ANO3: variants seen among roughly 807,000 people sequenced by gnomAD.
ANO3 encodes the protein anoctamin-3.
A neutral mutation model predicts 144.8 loss-of-function variants in ANO3; 99 were observed. The observed-to-expected ratio is 0.68, with a 90% CI of 0.58 to 0.81. The LOEUF is 0.81. Ranked by LOEUF, ANO3 falls within the 30% of genes least tolerant of loss-of-function variation. The pLI is 0.00. For synonymous variants in ANO3, 414 were observed against 392.6 expected (o/e 1.05, Z -0.64); for missense variants, 905 against 1,202.2 (o/e 0.75, Z 3.66).
intron 3 of ANO3, among the ~76,000 whole-genome samples, chr11:26,447,206 CAAA>C (rs11464160): frequency 1.5e-3 from 76 of 49,846 alleles, no homozygotes; most frequent in African/African-American, 5.7e-3. Context: ...GACTCTGCCT[CAAA>C]AAAAAAAAAA....
chr11:26,623,985 A>G (rs1306690744), intron 17 of ANO3, among the ~76,000 whole-genome samples: 1 of 151,718 alleles, frequency 6.6e-6, no homozygotes, highest in African/African-American at 2.4e-5. Context: ...ACGGGGTTTC[A>G]CCCTGTTAGC....
At chr11:26,545,782 C>G (rs1849771551) in intron 11 of ANO3, among the ~76,000 whole-genome samples, 1 of 151,536 alleles carries the variant, frequency 6.6e-6, no homozygotes, top group South Asian at 2.1e-4. Context: ...CAGTAGCAGC[C>G]CCCTCTTCCT....
intron 15 of ANO3, 75 bp downstream of exon 15, chr11:26,598,522 C>A: frequency 9.8e-7 from 1 of 1,023,658 alleles, no homozygotes; most frequent in Non-Finnish European, 1.4e-6. Flanking sequence ...CCTAGCATTC[C>A]GGCTGGAAGC....
At chr11:26,412,348 A>C (rs1857455083) in intron 1 of ANO3, among the ~76,000 whole-genome samples, 1 of 152,058 alleles carries the variant, frequency 6.6e-6, no homozygotes, top group Admixed American at 6.6e-5. Context: ...TGTAATTGTC[A>C]TTATAATAAT....
intron 14 of ANO3, among the ~76,000 whole-genome samples, chr11:26,564,730 CACATATATATATATAT>C (rs1476664278): frequency 3.9e-3 from 93 of 23,964 alleles, no homozygotes; most frequent in Admixed American, 6.0e-3. Flanking sequence ...CACACACACA[CACATATATATATATAT>C]ATATATATAT....
intron 9 of ANO3, 69 bp downstream of exon 9, chr11:26,534,631 T>TC (rs1849458133): frequency 9.2e-7 from 1 of 1,086,486 alleles, no homozygotes. Flanking sequence ...ATTGTTTTTT[T>TC]TAACAGCTGT....
chr11:26,224,285 C>T (rs750553570), intron 1 of ANO3, among the ~76,000 whole-genome samples: 10 of 152,232 alleles, frequency 6.6e-5, no homozygotes, highest in Non-Finnish European at 1.0e-4. Context: ...TAGGTCACAG[C>T]ACCCCACTGG....
At position 26,189,234 on chromosome 11, in the gene ANO3, C is replaced by T. The variant is rs118112197; in HGVS notation, c.58C>T (p.His20Tyr). ...TTCTCCTGAAGGCTTCAGACATGAG[C>T]ACGCTTCCAACTCATGTTTTGCTTT... is the stretch of plus-strand genomic sequence containing the variant. Residue 20 changes from histidine (H) to tyrosine (Y), a missense_variant, in exon 1 of 28, where the codon CAC (histidine) becomes TAC (tyrosine). By Grantham distance (83) the His-to-Tyr change is moderately conservative. Coordinates refer to the ANO3 transcript ENST00000672621. The T allele has an allele frequency of 0.013, 12,948 of 984,950 alleles. 86 individuals carry two copies. Among genetic ancestry groups the T allele is most frequent in the Middle Eastern group, 0.036 (68 of 1,914 alleles). The allele number at this position is 984,950 out of a possible 1,614,324, so 61.0% of individuals were successfully genotyped here. A position where few individuals can be genotyped will look rare whatever the true frequency, so the allele number is the denominator to read the frequency against.
At chr11:26,304,020 T>A (rs537427974) in intron 1 of ANO3, among the ~76,000 whole-genome samples, 1 of 152,158 alleles carries the variant, frequency 6.6e-6, no homozygotes, top group Non-Finnish European at 1.5e-5. Context: ...GCCAAAATTA[T>A]TTTTTTAAGT....
intron 1 of ANO3, among the ~76,000 whole-genome samples, chr11:26,245,072 A>G (rs1356507290): frequency 6.6e-6 from 1 of 151,192 alleles, no homozygotes; most frequent in East Asian, 2.0e-4. Flanking sequence ...AATAATTCCA[A>G]CTTGCAGAAA....
chr11:26,343,569 G>A (rs550055118), intron 1 of ANO3, among the ~76,000 whole-genome samples: 1 of 152,166 alleles, frequency 6.6e-6, no homozygotes, highest in South Asian at 2.1e-4. Flanking sequence ...TGGTACACTT[G>A]CAGCTGGTCG....
chr11:26,505,856 G>T (rs543510591), intron 4 of ANO3, among the ~76,000 whole-genome samples: 1 of 151,828 alleles, frequency 6.6e-6, no homozygotes, highest in Non-Finnish European at 1.5e-5. Context: ...GGTGGCGGGC[G>T]CCTGTACTGT....
rs1414497607 is a variant in ANO3 at position 26,531,216 on chromosome 11, A to G, written c.749A>G (p.Tyr250Cys). 1 of 1,613,932 alleles carries G rather than the reference A, an allele frequency of 6.2e-7. No individual in the cohort carries two copies. Among genetic ancestry groups the G allele is most frequent in the East Asian group, 2.2e-5 (1 of 44,882 alleles). Residue 250 changes from tyrosine (Y) to cysteine (C), a missense_variant, in exon 8 of 27, where the codon TAT (tyrosine) becomes TGT (cysteine). Around this residue, in one of 4 missense-constraint regions of ANO3, gnomAD observed 71 missense variants for 57.9 expected, o/e 1.23. Coordinates refer to ENST00000256737, the MANE Select transcript of ANO3 (RefSeq NM_031418.4). ...TGACTTCATTCCAGGATGCAAACTTATTTTAGAAGAATCAAAAACTGGATG... is the reference window on the plus strand; with the variant it reads ...TGACTTCATTCCAGGATGCAAACTTGTTTTAGAAGAATCAAAAACTGGATG... The part of the protein sequence containing the change: ...RSKSMGRMQT[Y>C]FRRIKNWMAQ...
At chr11:26,643,884 G>A (rs1428112356) in intron 23 of ANO3, among the ~76,000 whole-genome samples, 1 of 152,166 alleles carries the variant, frequency 6.6e-6, no homozygotes, top group Admixed American at 6.5e-5. Context: ...TCTGCTATGT[G>A]AGGACACAGC....
intron 3 of ANO3, among the ~76,000 whole-genome samples, chr11:26,453,341 C>T (rs1368644238): frequency 1.6e-4 from 24 of 151,610 alleles, no homozygotes; most frequent in South Asian, 4.2e-4. Flanking sequence ...ACCCATCTCA[C>T]GTGCAGAGAC....
chr11:26,417,794 C>G (rs1399460998), intron 1 of ANO3, among the ~76,000 whole-genome samples: 1 of 151,842 alleles, frequency 6.6e-6, no homozygotes, highest in East Asian at 1.9e-4. Context: ...ATAAATATTA[C>G]TGAAAAGAGT....
intron 4 of ANO3, among the ~76,000 whole-genome samples, chr11:26,503,087 T>C (rs910848600): frequency 6.6e-6 from 1 of 152,156 alleles, no homozygotes; most frequent in Admixed American, 6.5e-5. Flanking sequence ...CTTCATGGTT[T>C]GCAAACACAT....
intron 17 of ANO3, among the ~76,000 whole-genome samples, chr11:26,618,870 C>T (rs11029646): frequency 0.29 from 43,942 of 152,000 alleles, 6,695 homozygotes; most frequent in South Asian, 0.46. Context: ...AGGATCACTT[C>T]CTCCATAAAG....
chr11:26,358,170 C>CT (rs34078380), intron 1 of ANO3, among the ~76,000 whole-genome samples: 87,256 of 119,050 alleles, frequency 0.73, 32,623 homozygotes, highest in East Asian at 0.78. Flanking sequence ...ACAATTTCAA[C>CT]TTTTTTTTTT....
Sources: allele counts gnomAD v4.1 joint callset (sites outside exome capture counted in the v4.1 genomes callset), GRCh38; gene constraint gnomAD v4.1.1; regional missense constraint gnomAD v4.1.1; transcripts MANE v1.5; gene names NCBI Gene and HGNC (gene_info 2026-07-23, HGNC 2026-07-21).